Variants in IQCH observed in about 807,000 individuals in gnomAD.
The protein encoded by IQCH is IQ domain-containing protein H.
In IQCH, 98 loss-of-function variants were observed where a neutral mutation model predicts 117.0. That is an observed-to-expected ratio of 0.84 (90% confidence interval 0.71 to 0.99). IQCH has a LOEUF of 0.99. IQCH is among the 50% of genes least tolerant of loss of function. The pLI, the probability that IQCH is intolerant of heterozygous loss-of-function variation, is 0.00. For synonymous variants in IQCH, 412 were observed against 448.2 expected (o/e 0.92, Z 1.02); for missense variants, 1,102 against 1,243.8 (o/e 0.89, Z 1.72).
intron 16 of IQCH, among the ~76,000 whole-genome samples, chr15:67,449,000 G>C (rs1325472726): frequency 6.6e-6 from 1 of 151,784 alleles, no homozygotes; most frequent in Non-Finnish European, 1.5e-5. Flanking sequence ...TTTCATGTGT[G>C]TTTTGGCTGC....
chr15:67,296,953 C>G (rs910926335), intron 4 of IQCH, among the ~76,000 whole-genome samples: 1 of 152,172 alleles, frequency 6.6e-6, no homozygotes, highest in Non-Finnish European at 1.5e-5. Context: ...AGCTCTCTCC[C>G]CTAACCCTTC....
intron 4 of IQCH, among the ~76,000 whole-genome samples, chr15:67,317,996 G>T (rs1967930375): frequency 6.6e-6 from 1 of 152,088 alleles, no homozygotes. Flanking sequence ...CTGGCTTTAG[G>T]AAGCAAACAT....
At chr15:67,322,704 C>G (rs1430591736) in intron 4 of IQCH, among the ~76,000 whole-genome samples, 1 of 152,120 alleles carries the variant, frequency 6.6e-6, no homozygotes, top group Admixed American at 6.5e-5. Context: ...AGAATGAGAT[C>G]ATGCTAACAA....
Position 67,416,916 on chromosome 15 carries a change from A to C in IQCH, c.2098-15A>C, listed in dbSNP as rs765118630. The C allele has an allele frequency of 6.4e-7, 1 of 1,568,936 alleles. No individual in the cohort carries two copies. The highest frequency in any genetic ancestry group is 8.6e-7 in the Non-Finnish European group (1 of 1,159,446). ...AGTAAAATTGCTTGTGGTTCTATTT[A>C]ATTTGTTTCTGCAGGAGCCAGCTTT... On this transcript the variant is annotated splice_polypyrimidine_tract_variant and intron_variant, in intron 14 of 20. Coordinates refer to ENST00000335894, the MANE Select transcript of IQCH (RefSeq NM_001031715.3). The surrounding 1 kb of genome is among the most constrained non-coding windows in gnomAD (Gnocchi z 5.1).
Position 67,442,021 on chromosome 15 carries a change from TCAAA to T in IQCH, c.2505+20449_2505+20452del, listed in dbSNP as rs1304668095. On this transcript the variant is annotated intron_variant, in intron 16 of 20. Transcript: ENST00000335894. ...CTAATATCCAGAATCTACAACGAACTCAAACAAATTAGTAAGAAAAAAACAATCC... is the reference window on the plus strand; with the variant it reads ...CTAATATCCAGAATCTACAACGAACTCAAATTAGTAAGAAAAAAACAATCC... 2.0e-5 allele frequency among the ~76,000 whole-genome samples: 3 copies of T among 151,964 alleles called. No individual in the cohort carries two copies. In the East Asian group the frequency reaches 5.8e-4, roughly 29 times the overall value.
chr15:67,343,996 T>G, intron 5 of IQCH, 67 bp from the exon 6 acceptor site: 1 of 1,427,476 alleles, frequency 7.0e-7, no homozygotes, highest in Non-Finnish European at 9.7e-7. Flanking sequence ...CTTGTGAAAT[T>G]TATAGAGCTC....
At chr15:67,434,353 T>A (rs1335104908) in intron 16 of IQCH, among the ~76,000 whole-genome samples, 1 of 152,220 alleles carries the variant, frequency 6.6e-6, no homozygotes, top group Non-Finnish European at 1.5e-5. Context: ...GTGTCTGGCT[T>A]ATTTCACTTA....
chr15:67,367,426 C>G (rs1970373458), intron 8 of IQCH, among the ~76,000 whole-genome samples: 2 of 152,068 alleles, frequency 1.3e-5, no homozygotes, highest in Admixed American at 6.6e-5. Flanking sequence ...GTAGTTCCAC[C>G]TACTCGGGAA....
In IQCH at chr15:67,381,271, A is replaced by G. The variant is rs1469026542; in HGVS notation, c.1373-3665A>G. Among the ~76,000 whole-genome samples, 1 of 152,198 alleles carries G rather than the reference A, an allele frequency of 6.6e-6. No individual in the cohort carries two copies. The highest frequency in any genetic ancestry group is 1.5e-5 in the Non-Finnish European group (1 of 68,032). On this transcript the variant is annotated intron_variant, in intron 10 of 20. Coordinates refer to ENST00000335894, the MANE Select transcript of IQCH (RefSeq NM_001031715.3). This position sits in a 1 kb window ranked among gnomAD's most constrained non-coding sequence, Gnocchi z 5.1. ...TGTGAAGGTAGAAGTGAAGATGGAG[A>G]AATGATTGCCAGTAACCCTTGATGA...
chr15:67,363,932 A>C (rs1029771453), intron 8 of IQCH, among the ~76,000 whole-genome samples: 1 of 152,180 alleles, frequency 6.6e-6, no homozygotes, highest in Admixed American at 6.5e-5. Flanking sequence ...TATATGTACC[A>C]CATTGTCTTT....
chr15:67,340,426 C>CAAAAAAAAAAAAAAAAAAAAAAAAAAAA (rs57244130), intron 5 of IQCH, among the ~76,000 whole-genome samples: 2 of 62,658 alleles, frequency 3.2e-5, no homozygotes, highest in African/African-American at 1.3e-4. Flanking sequence ...TACTCCATCT[C>CAAAAAAAAAAAAAAAAAAAAAAAAAAAA]AAAAAAAAAA....
At chr15:67,269,365 C>T (rs1343568915) in intron 3 of IQCH, among the ~76,000 whole-genome samples, 2 of 152,118 alleles carry the variant, frequency 1.3e-5, no homozygotes, top group Non-Finnish European at 2.9e-5. Context: ...TTCATTGATA[C>T]ATAATACTTG....
chr15:67,488,161 T>C (rs78531253), intron 18 of IQCH, among the ~76,000 whole-genome samples: 2,348 of 151,996 alleles, frequency 0.015, 66 homozygotes, highest in African/African-American at 0.054. Context: ...AAAAAACATA[T>C]ACAAAACTTA....
At position 67,427,574 on chromosome 15, in the gene IQCH, A is replaced by G. The variant is rs968450522; in HGVS notation, c.2505+5997A>G. Among the ~76,000 whole-genome samples the G allele has an allele frequency of 1.3e-5, 2 of 152,000 alleles. No homozygotes were observed. Among genetic ancestry groups the G allele is most frequent in the Non-Finnish European group, 2.9e-5 (2 of 68,016 alleles). On this transcript the variant is annotated intron_variant, in intron 16 of 20. Transcript: ENST00000335894. This position sits in a 1 kb window ranked among gnomAD's most constrained non-coding sequence, Gnocchi z 4.7. ...GAACTTATCACTTTCCCTCATTTTC[A>G]GTTTTCTCAGCTATAAAATGAGGAG...
intron 3 of IQCH, among the ~76,000 whole-genome samples, chr15:67,268,947 TAAC>T (rs5813433): frequency 6.6e-6 from 1 of 150,804 alleles, no homozygotes; most frequent in African/African-American, 2.4e-5. Context: ...AAATAAAACA[TAAC>T]AAACTGGAAA....
chr15:67,470,035 T>G (rs1429462245), intron 17 of IQCH, among the ~76,000 whole-genome samples: 1 of 152,242 alleles, frequency 6.6e-6, no homozygotes, highest in Admixed American at 6.5e-5. Context: ...TACTTCCCTG[T>G]GTGACGAGGT....
chr15:67,258,326 T>A (rs1401777368), intron 1 of IQCH, among the ~76,000 whole-genome samples: 1 of 151,834 alleles, frequency 6.6e-6, no homozygotes, highest in Non-Finnish European at 1.5e-5. Context: ...GGTCAGAAGT[T>A]CGTACACCAG....
chr15:67,344,099 C>T lies in IQCH; in HGVS notation c.545C>T (p.Pro182Leu). ...LSMIERGLIP[P>L]TARITFQNPP... The stretch of plus-strand genomic sequence containing the variant: ...ATGATAGAACGAGGGCTGATTCCAC[C>T]AACAGCAAGGATTACCTTTCAGAAT... The change falls in exon 6 of 21, where the codon CCA becomes CTA. Residue 182 changes from proline (P) to leucine (L), a missense_variant. Physicochemically the swap from Pro to Leu is moderately conservative, Grantham distance 98. Coordinates refer to ENST00000335894, the MANE Select transcript of IQCH (RefSeq NM_001031715.3). 3 of 1,612,656 alleles carry T rather than the reference C, an allele frequency of 1.9e-6. No individual in the cohort carries two copies. Among genetic ancestry groups the T allele is most frequent in the Middle Eastern group, 1.6e-4 (1 of 6,062 alleles).
rs540489920 is a variant in IQCH, at chr15:67,457,037, A to G, written c.2506-8090A>G. Among the ~76,000 whole-genome samples the G allele has an allele frequency of 3.7e-4, 56 of 152,176 alleles. No individual in the cohort carries two copies. Among genetic ancestry groups the G allele is most frequent in the Non-Finnish European group, 7.2e-4 (49 of 68,026 alleles). On this transcript the variant is annotated intron_variant, in intron 16 of 20. Coordinates refer to ENST00000335894, the MANE Select transcript of IQCH (RefSeq NM_001031715.3). The surrounding 1 kb of genome is among the most constrained non-coding windows in gnomAD (Gnocchi z 5.7). ...TCTAAGCTGAAAACCAAGAGGCTCA[A>G]TTGCTGACCGGGGTGACTGCCCTGT...
Sources: allele counts gnomAD v4.1 joint callset (sites outside exome capture counted in the v4.1 genomes callset), GRCh38; gene constraint gnomAD v4.1.1; non-coding constraint Gnocchi (gnomAD v3.1); transcripts MANE v1.5; gene names NCBI Gene and HGNC (gene_info 2026-07-23, HGNC 2026-07-21).